XKR5: variants seen among roughly 807,000 people sequenced by gnomAD.
XKR5 encodes XK related 5.
XKR5 carries 46 observed loss-of-function variants against 40.8 expected under a neutral mutation model. The ratio of observed to expected loss-of-function variants is 1.13; its 90% CI spans 0.89 to 1.44. The LOEUF (loss-of-function observed/expected upper bound fraction) is 1.44. XKR5 is among the 40% of genes most tolerant of loss of function. The pLI, the probability that XKR5 is intolerant of heterozygous loss-of-function variation, is 0.00. For missense variants in XKR5, 1,169 were observed against 844.7 expected (o/e 1.38, Z -4.76); for synonymous variants, 466 against 356.1 (o/e 1.31, Z -3.48).
At chr8:6,832,144 C>G (rs1156998656) in intron 2 of XKR5, among the ~76,000 whole-genome samples, 2 of 151,942 alleles carry the variant, frequency 1.3e-5, no homozygotes, top group South Asian at 4.2e-4. Flanking sequence ...AATCCAGGTT[C>G]TCAAAGTAGA....
At chr8:6,814,329 C>T (rs1275066525) in intron 6 of XKR5, among the ~76,000 whole-genome samples, 1 of 152,140 alleles carries the variant, frequency 6.6e-6, no homozygotes, top group Non-Finnish European at 1.5e-5. Context: ...AAGGAGCAAC[C>T]CGGGAGGCTC....
intron 5 of XKR5, 118 bp downstream of exon 5, chr8:6,821,751 C>A: frequency 2.3e-6 from 2 of 865,786 alleles, no homozygotes; most frequent in South Asian, 2.7e-5. Flanking sequence ...TAAGCTATTC[C>A]TTTTCAATAG....
intron 1 of XKR5, 105 bp downstream of exon 1, chr8:6,835,331 G>A: frequency 3.4e-6 from 4 of 1,191,130 alleles, no homozygotes; most frequent in Non-Finnish European, 4.4e-6. Flanking sequence ...CTGGGCGCAG[G>A]CTGGGGCAGT....
rs372381864 is a variant in XKR5, at chr8:6,822,053, G to A, written c.638-15C>T. On this transcript the variant is annotated splice_polypyrimidine_tract_variant and intron_variant, in intron 4 of 6. Coordinates refer to ENST00000618742, the MANE Select transcript of XKR5 (RefSeq NM_207411.5). The stretch of plus-strand genomic sequence containing the variant: ...CCAGTGGGCACCTGCAGAGAAGCCG[G>A]GTGCAGACGTCAGGGTCCATGCAAG... The A allele has an allele frequency of 6.3e-6, 10 of 1,595,816 alleles. No individual in the cohort carries two copies. In the African/African-American group the frequency reaches 8.0e-5, roughly 13 times the overall value.
intron 2 of XKR5, chr8:6,829,035 G>C (rs1804643029): frequency 1.3e-5 from 2 of 152,232 alleles, no homozygotes; most frequent in Admixed American, 1.3e-4. Context: ...CTACATTGAT[G>C]GAAATCGCAA....
chr8:6,825,125 G>T (rs947990612), intron 3 of XKR5, 40 bp downstream of exon 3: 7 of 1,606,430 alleles, frequency 4.4e-6, no homozygotes, highest in African/African-American at 4.0e-5. Flanking sequence ...TCCCCCTTCG[G>T]CAGTCAGACA....
intron 6 of XKR5, among the ~76,000 whole-genome samples, chr8:6,813,974 C>G (rs576878622): frequency 2.2e-3 from 328 of 152,314 alleles, no homozygotes; most frequent in African/African-American, 7.7e-3. Flanking sequence ...CTCAGCTATA[C>G]CTCCCGTGAA....
chr8:6,819,842 C>CTT (rs1563353266), intron 5 of XKR5, among the ~76,000 whole-genome samples: 16 of 58,686 alleles, frequency 2.7e-4, no homozygotes, highest in African/African-American at 1.0e-3. Flanking sequence ...CTTCCTCTTC[C>CTT]CTACCTTCCT....
chr8:6,823,830 C>T, intron 3 of XKR5, 100 bp from the exon 4 acceptor site: 2 of 1,055,250 alleles, frequency 1.9e-6, no homozygotes, highest in South Asian at 1.5e-5. Flanking sequence ...GGATGTGTAA[C>T]CTCTTGTTAA....
In XKR5 at chr8:6,815,923, G is replaced by T. The variant is rs538792583; in HGVS notation, c.808-5C>A. 8.8e-6 allele frequency: 14 copies of T among 1,589,292 alleles called. No homozygotes were observed. In the South Asian group the frequency reaches 1.5e-4, roughly 17 times the overall value. On this transcript the variant is annotated splice_polypyrimidine_tract_variant and splice_region_variant and intron_variant, in intron 5 of 6. Transcript: ENST00000618742. ...GATGTTCTCCAACAGCATGACCTGC[G>T]GGACCCAGGACAGAGGCACCACACC...
At chr8:6,822,392 C>G (rs73512000) in intron 4 of XKR5, among the ~76,000 whole-genome samples, 40 of 152,274 alleles carry the variant, frequency 2.6e-4, no homozygotes, top group African/African-American at 8.7e-4. Context: ...AAAATTGTTA[C>G]AAGAGCAAAA....
chr8:6,833,947 T>G (rs1804883431), intron 1 of XKR5, among the ~76,000 whole-genome samples: 1 of 152,192 alleles, frequency 6.6e-6, no homozygotes, highest in African/African-American at 2.4e-5. Flanking sequence ...GTTTGCTTGT[T>G]TGTTTTTGAT....
rs905480468 is a variant in XKR5 at position 6,808,575 on chromosome 8, G to A, written c.*2623C>T. 2 of 152,110 alleles carry A rather than the reference G, an allele frequency of 1.3e-5. No homozygotes were observed. The highest frequency in any genetic ancestry group is 2.4e-5 in the African/African-American group (1 of 41,418). The allele number at this position is 152,110 out of a possible 1,614,324, so 9.4% of individuals were successfully genotyped here. A position where few individuals can be genotyped will look rare whatever the true frequency, so the allele number is the denominator to read the frequency against. On this transcript the variant is annotated 3_prime_UTR_variant, in exon 7 of 7. Transcript: ENST00000618742. Reference sequence around the variant, plus strand: ...CTAATAAATATAGTGTATATTTTCTGATCCTTTTCATCACCGGGCAATATG... The same window carrying A: ...CTAATAAATATAGTGTATATTTTCTAATCCTTTTCATCACCGGGCAATATG...
intron 1 of XKR5, 114 bp downstream of exon 1, chr8:6,835,322 T>C (rs1804964097): frequency 8.9e-7 from 1 of 1,126,004 alleles, no homozygotes; most frequent in Non-Finnish European, 1.2e-6. Flanking sequence ...CGCGCAGTGC[T>C]GGGCGCAGGC....
rs1454307791 is a variant in XKR5 at position 6,810,253 on chromosome 8, T to C, written c.*945A>G. The C allele has an allele frequency of 6.6e-6, 1 of 152,260 alleles. No homozygotes were observed. Among genetic ancestry groups the C allele is most frequent in the East Asian group, 1.9e-4 (1 of 5,206 alleles). The allele number at this position is 152,260 out of a possible 1,614,324, so 9.4% of individuals were successfully genotyped here. ...TACAAAGGAAGGCTTAAAGAAATTA[T>C]GGAAATACCTAGCCACAAAGAACAC... On this transcript the variant is annotated 3_prime_UTR_variant, in exon 7 of 7. Transcript: ENST00000618742.
In XKR5 at chr8:6,808,976, G is replaced by C. The variant is rs1005314773; in HGVS notation, c.*2222C>G. On this transcript the variant is annotated 3_prime_UTR_variant, in exon 7 of 7. Coordinates refer to ENST00000618742, the MANE Select transcript of XKR5 (RefSeq NM_207411.5). ...TCTGCTGGACCTTGGAGTTAGCCCA[G>C]AAGGAGGACTGCAACCCTTAATTAG... 6.6e-6 allele frequency: 1 copy of C among 152,250 alleles called. No individual in the cohort carries two copies. The highest frequency in any genetic ancestry group is 1.5e-5 in the Non-Finnish European group (1 of 68,074). 9.4% of individuals were successfully genotyped at this position (152,250 alleles called of 1,614,324 possible).
At chr8:6,813,369 G>T (rs1803822256) in intron 6 of XKR5, among the ~76,000 whole-genome samples, 1 of 152,170 alleles carries the variant, frequency 6.6e-6, no homozygotes, top group African/African-American at 2.4e-5. Flanking sequence ...GCCACCCAAG[G>T]CCAGGAAAGA....
chr8:6,824,575 G>A (rs1353566042), intron 3 of XKR5, among the ~76,000 whole-genome samples: 1 of 152,060 alleles, frequency 6.6e-6, no homozygotes, highest in East Asian at 1.9e-4. Context: ...CTGTCACCTG[G>A]ACTGGAATGC....
At position 6,811,407 on chromosome 8, in the gene XKR5, C is replaced by T; in HGVS notation, c.1852G>A (p.Gly618Arg). 1 of 1,537,236 alleles carries T rather than the reference C, an allele frequency of 6.5e-7. No individual in the cohort carries two copies. The highest frequency in any genetic ancestry group is 8.7e-7 in the Non-Finnish European group (1 of 1,146,886). The change falls in exon 7 of 7, where the codon GGA becomes AGA. Residue 618 changes from glycine to arginine, a missense_variant. By Grantham distance (125) the Gly-to-Arg change is moderately radical (BLOSUM62 -2). Coordinates refer to ENST00000618742, the MANE Select transcript of XKR5 (RefSeq NM_207411.5). ...AGCTCTGAGATACTGAGGGTTCTTC[C>T]AGGGAAGCCTGCACTGGGGCAGAAG... ...RGFCPSAGFP[G>R]RTLSISELEE...
Sources: gnomAD v4.1 joint callset for allele counts (sites outside exome capture counted in the v4.1 genomes callset) on GRCh38, gnomAD v4.1.1 for gene constraint, MANE v1.5 for transcripts, NCBI Gene and HGNC (gene_info 2026-07-23, HGNC 2026-07-21) for gene names.